TRIM67: variants seen among roughly 807,000 people sequenced by gnomAD.
TRIM67 encodes tripartite motif-containing protein 67.
TRIM67 carries 39 observed loss-of-function variants against 71.0 expected under a neutral mutation model. The ratio of observed to expected loss-of-function variants is 0.55; its 90% confidence interval spans 0.43 to 0.72. The LOEUF (loss-of-function observed/expected upper bound fraction) is 0.72, where lower values mean the gene tolerates loss of function less well. Among genes scored for constraint, TRIM67 ranks in the 30% least tolerant of loss-of-function variants. TRIM67 has a pLI of 0.00. For synonymous variants in TRIM67, 481 were observed against 473.9 expected (o/e 1.01, Z -0.19); for missense variants, 973 against 1,079.2 (o/e 0.90, Z 1.38).
At chr1:231,215,345 C>A (rs1206025392) in intron 9 of TRIM67, 30 bp from the exon 10 acceptor site, 1 of 1,608,320 alleles carries the variant, frequency 6.2e-7, no homozygotes, top group Non-Finnish European at 8.5e-7. Context: ...CAGCCTCTCC[C>A]ACCCTCACTT....
chr1:231,206,270 A>AATAT lies in TRIM67; in HGVS notation c.1681-366_1681-363dup, dbSNP rs548111843. On this transcript the variant is annotated intron_variant, in intron 6 of 9. Transcript: ENST00000366653. Reference sequence around the variant, plus strand: ...AATAGGGAAACCCCATCTCTACTAAAATATATATATATATATATAAATTAG... The same window carrying AATAT: ...AATAGGGAAACCCCATCTCTACTAAAATATATATATATATATATATATAAATTAG... 1.9e-3 allele frequency among the ~76,000 whole-genome samples: 285 copies of AATAT among 147,570 alleles called. 2 individuals are homozygous for AATAT. The highest frequency in any genetic ancestry group is 6.2e-3 in the African/African-American group (250 of 40,346).
chr1:231,163,771 A>G lies in TRIM67; in HGVS notation c.802A>G (p.Thr268Ala). ...GCCCGCCGAGGCAGCCTCCGGGCCC[A>G]CTGGCACCGCCCAGGGCGCCCCCAG... Reference protein sequence around the residue: ...PPPAEAASGPTGTAQGAPSGG... With the variant: ...PPPAEAASGPAGTAQGAPSGG... Residue 268 changes from threonine (T) to alanine (A), a missense_variant, in exon 1 of 10, where the codon ACT (threonine) becomes GCT (alanine). Thr to Ala is a moderately conservative substitution (Grantham distance 58). Coordinates refer to ENST00000366653, the MANE Select transcript of TRIM67 (RefSeq NM_001004342.5). 1 of 1,492,104 alleles carries G rather than the reference A, an allele frequency of 6.7e-7. No homozygotes were observed. The highest frequency in any genetic ancestry group is 8.9e-7 in the Non-Finnish European group (1 of 1,120,754). 92.4% of individuals were successfully genotyped at this position (1,492,104 alleles called of 1,614,324 possible).
chr1:231,175,282 C>T (rs1276169331), intron 1 of TRIM67, among the ~76,000 whole-genome samples: 1 of 152,196 alleles, frequency 6.6e-6, no homozygotes, highest in Non-Finnish European at 1.5e-5. Flanking sequence ...CACCTGTAAC[C>T]TACTGGGAAT....
chr1:231,164,024 G>C lies in TRIM67; in HGVS notation c.1044+11G>C. On this transcript the variant is annotated intron_variant, in intron 1 of 9. Transcript: ENST00000366653. ...TGGAAGCAGCACAAGGTGAGCCCGC[G>C]GGACGCGGGAGTGCAGGTGCCAGGG... is the stretch of plus-strand genomic sequence containing the variant. 1 of 1,493,620 alleles carries C rather than the reference G, an allele frequency of 6.7e-7. No homozygotes were observed. Among genetic ancestry groups the C allele is most frequent in the Non-Finnish European group, 9.0e-7 (1 of 1,112,284 alleles). The allele number at this position is 1,493,620 out of a possible 1,614,324, so 92.5% of individuals were successfully genotyped here. A position where few individuals can be genotyped will look rare whatever the true frequency, so the allele number is the denominator to read the frequency against.
intron 6 of TRIM67, among the ~76,000 whole-genome samples, chr1:231,205,205 GGGTTT>G (rs1558305485): frequency 6.6e-6 from 1 of 152,232 alleles, no homozygotes; most frequent in Non-Finnish European, 1.5e-5. Flanking sequence ...CTAAGGGCTA[GGGTTT>G]ATAAGGAAGA....
Position 231,216,974 on chromosome 1 carries a change from C to T in TRIM67, c.*1534C>T. The T allele has an allele frequency of 1.0e-6, 1 of 985,840 alleles. No homozygotes were observed. Among genetic ancestry groups the T allele is most frequent in the Non-Finnish European group, 1.2e-6 (1 of 829,948 alleles). 61.1% of individuals were successfully genotyped at this position (985,840 alleles called of 1,614,324 possible). On this transcript the variant is annotated 3_prime_UTR_variant, in exon 10 of 10. Transcript: ENST00000366653. ...TTTTATTTCTGAGGCTGAGAAGTGA[C>T]TTGTCAATTTGCTGGACTGGATTTT...
rs759951398 is a variant in TRIM67, at chr1:231,197,487, G to A, written c.1140+21G>A. 1.1e-4 allele frequency: 179 copies of A among 1,606,844 alleles called. No homozygotes were observed. In the East Asian group the frequency reaches 3.8e-3, roughly 34 times the overall value. ...TCCAGGTGAGCACAGCTCTGGCGTC[G>A]GGAGAAATACTCAGTGTTGAAAGTT... On this transcript the variant is annotated intron_variant, in intron 2 of 9. Transcript: ENST00000366653.
intron 7 of TRIM67, among the ~76,000 whole-genome samples, chr1:231,207,784 C>T (rs1208982706): frequency 6.6e-6 from 1 of 152,164 alleles, no homozygotes; most frequent in Non-Finnish European, 1.5e-5. Flanking sequence ...GACTCTCCTG[C>T]CTGCCCAGAG....
chr1:231,189,093 A>T (rs141407431), intron 1 of TRIM67, among the ~76,000 whole-genome samples: 3 of 152,172 alleles, frequency 2.0e-5, no homozygotes, highest in Non-Finnish European at 4.4e-5. Flanking sequence ...CACCATTTAT[A>T]GTGGGTCCTG....
rs1257095714 is a variant in TRIM67 at position 231,163,212 on chromosome 1, C to T, written c.243C>T (p.Gly81=). ...AAAGPACGGA[G]GSAAGGLGGG... is the part of the protein sequence containing the mutation. Reference sequence around the variant, plus strand: ...CTGGCCCGGCCTGCGGCGGTGCAGGCGGGAGTGCAGCTGGCGGCCTCGGCG... The same window carrying T: ...CTGGCCCGGCCTGCGGCGGTGCAGGTGGGAGTGCAGCTGGCGGCCTCGGCG... Residue 81 remains glycine, a synonymous_variant, in exon 1 of 10, where the codon GGC becomes GGT. Transcript: ENST00000366653. 2 of 1,495,430 alleles carry T rather than the reference C, an allele frequency of 1.3e-6. No individual in the cohort carries two copies. The highest frequency in any genetic ancestry group is 2.7e-5 in the East Asian group (1 of 36,536). 92.6% of individuals were successfully genotyped at this position (1,495,430 alleles called of 1,614,324 possible).
intron 1 of TRIM67, among the ~76,000 whole-genome samples, chr1:231,191,106 C>G (rs1233204685): frequency 6.6e-6 from 1 of 152,212 alleles, no homozygotes; most frequent in South Asian, 2.1e-4. Context: ...CTCTGTCACC[C>G]AGGCTGGAGT....
chr1:231,163,906 A>C lies in TRIM67; in HGVS notation c.937A>C (p.Met313Leu). The change falls in exon 1 of 10, where the codon ATG becomes CTG. Residue 313 changes from methionine to leucine, a missense_variant. Around this residue, in one of 2 missense-constraint regions of TRIM67, gnomAD observed 795 missense variants for 831.3 expected, o/e 0.96. Transcript: ENST00000366653. ...CPEHEMENYS[M>L]YCVSCRTPVC... ...CGAGCATGAAATGGAGAACTACAGCATGTACTGCGTGAGCTGTCGAACCCC... is the reference window on the plus strand; with the variant it reads ...CGAGCATGAAATGGAGAACTACAGCCTGTACTGCGTGAGCTGTCGAACCCC... 6.3e-7 allele frequency: 1 copy of C among 1,587,234 alleles called. No homozygotes were observed. The highest frequency in any genetic ancestry group is 8.6e-7 in the Non-Finnish European group (1 of 1,167,398).
intron 1 of TRIM67, among the ~76,000 whole-genome samples, chr1:231,187,304 C>T (rs139740875): frequency 3.3e-5 from 5 of 152,178 alleles, no homozygotes; most frequent in African/African-American, 7.2e-5. Context: ...ATCTGCCTGG[C>T]GGAGGAGTGT....
intron 1 of TRIM67, among the ~76,000 whole-genome samples, chr1:231,191,770 C>A (rs910651800): frequency 1.3e-5 from 2 of 152,210 alleles, no homozygotes; most frequent in Non-Finnish European, 2.9e-5. Flanking sequence ...GGAATGACCA[C>A]AAGGCCATTT....
intron 1 of TRIM67, among the ~76,000 whole-genome samples, chr1:231,168,899 G>T (rs867105062): frequency 4.1e-4 from 62 of 152,296 alleles, no homozygotes; most frequent in Middle Eastern, 3.4e-3. Flanking sequence ...TTTCCAGGGG[G>T]CCTGAAGTCT....
intron 5 of TRIM67, among the ~76,000 whole-genome samples, chr1:231,201,991 G>T (rs138188447): frequency 1.9e-4 from 1 of 5,368 alleles, no homozygotes; most frequent in Admixed American, 2.6e-3. Context: ...ATGCCATGCG[G>T]TGAGATTTGA....
intron 9 of TRIM67, among the ~76,000 whole-genome samples, chr1:231,214,232 A>G (rs1194359490): frequency 2.0e-5 from 3 of 152,072 alleles, no homozygotes; most frequent in Non-Finnish European, 4.4e-5. Flanking sequence ...GTCCCTGGGG[A>G]GTGCTGGTAG....
At chr1:231,186,113 T>G in intron 1 of TRIM67, 1 of 1,533,202 alleles carries the variant, frequency 6.5e-7, no homozygotes, top group South Asian at 1.2e-5. Context: ...GCTTGCTGAA[T>G]GAATACATCG....
Position 231,216,358 on chromosome 1 carries a change from A to G in TRIM67, c.*918A>G. The G allele has an allele frequency of 1.0e-6, 1 of 985,396 alleles. No individual in the cohort carries two copies. The highest frequency in any genetic ancestry group is 1.7e-5 in the African/African-American group (1 of 57,352). The allele number at this position is 985,396 out of a possible 1,614,324, so 61.0% of individuals were successfully genotyped here. ...CACTCAGTTCTTAGTTCTTAAATCC[A>G]CGTGAAAACACAAGAATTTTAACAA... On this transcript the variant is annotated 3_prime_UTR_variant, in exon 10 of 10. Transcript: ENST00000366653.
Sources: gnomAD v4.1 joint callset for allele counts (sites outside exome capture counted in the v4.1 genomes callset) on GRCh38, gnomAD v4.1.1 for gene constraint, gnomAD v4.1.1 regional missense constraint, MANE v1.5 for transcripts, NCBI Gene and HGNC (gene_info 2026-07-23, HGNC 2026-07-21) for gene names.